RPTOR: variants seen among roughly 807,000 people sequenced by gnomAD.
RPTOR encodes regulatory-associated protein of mTOR.
A neutral mutation model predicts 169.9 loss-of-function variants in RPTOR; 21 were observed. The ratio of observed to expected loss-of-function variants is 0.12; its 90% CI spans 0.09 to 0.18. The LOEUF is 0.18. RPTOR is among the 10% of genes least tolerant of loss of function. The probability of loss-of-function intolerance (pLI) is 1.00; values close to 1 mark genes in which losing one functional copy is unlikely to be tolerated. For missense variants in RPTOR, 1,133 were observed against 1,855.9 expected (o/e 0.61, Z 7.16); for synonymous variants, 732 against 753.2 (o/e 0.97, Z 0.46).
chr17:80,764,326 C>T (rs978193284), intron 6 of RPTOR, among the ~76,000 whole-genome samples: 14 of 122,756 alleles, frequency 1.1e-4, no homozygotes, highest in Non-Finnish European at 1.1e-4. Flanking sequence ...CCCCACCCCA[C>T]AACAGGCCCA....
chr17:80,760,437 G>T (rs528921580), intron 6 of RPTOR, among the ~76,000 whole-genome samples: 9 of 151,774 alleles, frequency 5.9e-5, no homozygotes, highest in South Asian at 2.1e-4. Flanking sequence ...GAGTAGCTGG[G>T]ATTACAGGTG....
intron 4 of RPTOR, among the ~76,000 whole-genome samples, chr17:80,717,543 C>T (rs985538935): frequency 1.3e-4 from 20 of 152,126 alleles, no homozygotes; most frequent in Non-Finnish European, 1.9e-4. Context: ...GAGACAGGCG[C>T]GTGTTCTTCC....
chr17:80,920,642 C>T (rs895092795), intron 21 of RPTOR, among the ~76,000 whole-genome samples: 42 of 152,340 alleles, frequency 2.8e-4, no homozygotes, highest in African/African-American at 9.6e-4. Flanking sequence ...AGACCCCAGG[C>T]GGCTCAGCGT....
At chr17:80,654,399 C>T (rs575969181) in intron 3 of RPTOR, among the ~76,000 whole-genome samples, 11 of 152,334 alleles carry the variant, frequency 7.2e-5, no homozygotes, top group African/African-American at 2.2e-4. Flanking sequence ...ACGTGGAAGA[C>T]GGCGCAGTCC....
At chr17:80,929,686 G>A (rs1282402289) in intron 24 of RPTOR, among the ~76,000 whole-genome samples, 1 of 152,166 alleles carries the variant, frequency 6.6e-6, no homozygotes, top group African/African-American at 2.4e-5. Context: ...CTGTGCAGCT[G>A]GGGTTTCAGT....
intron 3 of RPTOR, among the ~76,000 whole-genome samples, chr17:80,674,658 G>A (rs796818098): frequency 2.0e-4 from 30 of 152,020 alleles, no homozygotes; most frequent in African/African-American, 5.3e-4. Flanking sequence ...ATTGGTGGCC[G>A]GCGCCTGTAG....
At chr17:80,826,019 G>A (rs543686372) in intron 9 of RPTOR, among the ~76,000 whole-genome samples, 58 of 152,292 alleles carry the variant, frequency 3.8e-4, no homozygotes, top group African/African-American at 1.3e-3. Context: ...CACCTCCGCC[G>A]GCCCTGGGGA....
At chr17:80,818,989 A>G (rs1170589641) in intron 7 of RPTOR, among the ~76,000 whole-genome samples, 3 of 152,200 alleles carry the variant, frequency 2.0e-5, no homozygotes, top group Non-Finnish European at 2.9e-5. Context: ...CAGGGGCTCT[A>G]TGAGCTTCAG....
chr17:80,918,779 T>G (rs1027879063), intron 21 of RPTOR, among the ~76,000 whole-genome samples: 3 of 152,330 alleles, frequency 2.0e-5, no homozygotes, highest in Admixed American at 2.0e-4. Flanking sequence ...GTCCCTGTGC[T>G]GCCTGGGTGC....
chr17:80,809,061 T>C (rs1207420896), intron 7 of RPTOR, among the ~76,000 whole-genome samples: 2 of 152,264 alleles, frequency 1.3e-5, no homozygotes, highest in African/African-American at 4.8e-5. Flanking sequence ...GGTAGGTGTG[T>C]GTTTAACTTT....
chr17:80,577,198 A>G (rs1406760404), intron 1 of RPTOR, among the ~76,000 whole-genome samples: 3 of 151,898 alleles, frequency 2.0e-5, no homozygotes, highest in Non-Finnish European at 2.9e-5. Flanking sequence ...TGTCTGGCTA[A>G]TTTTGTATTT....
chr17:80,924,777 G>T (rs1401173808), intron 23 of RPTOR, among the ~76,000 whole-genome samples: 2 of 152,226 alleles, frequency 1.3e-5, no homozygotes, highest in Non-Finnish European at 2.9e-5. Flanking sequence ...TGGCACAGGA[G>T]ACCCCTGGTG....
At position 80,964,516 on chromosome 17, in the gene RPTOR, T is replaced by C. The variant is rs2069400016; in HGVS notation, c.*186T>C. On this transcript the variant is annotated 3_prime_UTR_variant, in exon 34 of 34. Coordinates refer to ENST00000306801, the MANE Select transcript of RPTOR (RefSeq NM_020761.3). ...TCTGTCTTCGCTGTCGTGTCTGGAA[T>C]GTCAGGGAAGGGGAGGGCTCGGGTT... 3.2e-6 allele frequency: 2 copies of C among 628,132 alleles called. No individual in the cohort carries two copies. Among genetic ancestry groups the C allele is most frequent in the Admixed American group, 2.6e-5 (1 of 37,904 alleles). The allele number at this position is 628,132 out of a possible 1,614,324, so 38.9% of individuals were successfully genotyped here. A position where few individuals can be genotyped will look rare whatever the true frequency, so the allele number is the denominator to read the frequency against.
intron 1 of RPTOR, among the ~76,000 whole-genome samples, chr17:80,585,504 G>A (rs1002833709): frequency 1.4e-5 from 2 of 146,300 alleles, no homozygotes; most frequent in African/African-American, 2.4e-5. Flanking sequence ...GCGGCTGGCC[G>A]GTTTATTATT....
chr17:80,748,532 A>G (rs745403837), intron 5 of RPTOR, among the ~76,000 whole-genome samples: 745 of 48,744 alleles, frequency 0.015, no homozygotes, highest in East Asian at 0.021. Context: ...TTTAGAGGCC[A>G]TGGCGGGAGG....
At chr17:80,571,680 C>A (rs2064908140) in intron 1 of RPTOR, among the ~76,000 whole-genome samples, 1 of 152,096 alleles carries the variant, frequency 6.6e-6, no homozygotes, top group Non-Finnish European at 1.5e-5. Flanking sequence ...ACCACCACAC[C>A]AAGCTAATTT....
At chr17:80,859,947 G>T (rs1473649002) in intron 13 of RPTOR, among the ~76,000 whole-genome samples, 1 of 152,036 alleles carries the variant, frequency 6.6e-6, no homozygotes, top group Admixed American at 6.5e-5. Context: ...GCCGGGTCTG[G>T]AGCTCCTTGC....
At chr17:80,679,755 T>C (rs1372876904) in intron 3 of RPTOR, among the ~76,000 whole-genome samples, 1 of 152,264 alleles carries the variant, frequency 6.6e-6, no homozygotes, top group Non-Finnish European at 1.5e-5. Flanking sequence ...AAGCTCAGTT[T>C]AGCTGTTGTC....
intron 1 of RPTOR, among the ~76,000 whole-genome samples, chr17:80,564,220 G>A (rs1805266207): frequency 1.3e-5 from 2 of 151,984 alleles, no homozygotes; most frequent in Admixed American, 6.6e-5. Flanking sequence ...CTGCCACCAC[G>A]CCTGGCTAAT....
Sources: allele counts gnomAD v4.1 joint callset (sites outside exome capture counted in the v4.1 genomes callset), GRCh38; gene constraint gnomAD v4.1.1; transcripts MANE v1.5; gene names NCBI Gene and HGNC (gene_info 2026-07-23, HGNC 2026-07-21).